FANCG: variants seen among roughly 807,000 people sequenced by gnomAD.
The protein encoded by FANCG is Fanconi anemia group G protein.
A neutral mutation model predicts 73.3 loss-of-function variants in FANCG; 67 were observed. The observed-to-expected ratio is 0.91, with a 90% CI of 0.75 to 1.12. The LOEUF (loss-of-function observed/expected upper bound fraction) is 1.12. Among genes scored for constraint, FANCG ranks in the 50% most tolerant of loss-of-function variants. The pLI, the probability that FANCG is intolerant of heterozygous loss-of-function variation, is 0.00. For missense variants in FANCG, 643 were observed against 735.6 expected (o/e 0.87, Z 1.46); for synonymous variants, 297 against 311.6 (o/e 0.95, Z 0.49).
At chr9:35,077,689 A>G (rs1386136495) in intron 4 of FANCG, among the ~76,000 whole-genome samples, 1 of 152,084 alleles carries the variant, frequency 6.6e-6, no homozygotes, top group Non-Finnish European at 1.5e-5. Flanking sequence ...TATTTGAGTT[A>G]CTAATAAGGA....
At position 35,076,872 on chromosome 9, in the gene FANCG, T is replaced by C; in HGVS notation, c.778-2A>G. The C allele has an allele frequency of 6.2e-7, 1 of 1,614,212 alleles. No individual in the cohort carries two copies. Among genetic ancestry groups the C allele is most frequent in the South Asian group, 1.1e-5 (1 of 91,090 alleles). On this transcript the variant is annotated splice_acceptor_variant, in intron 6 of 13. Coordinates refer to ENST00000378643, the MANE Select transcript of FANCG (RefSeq NM_004629.2). LOFTEE classifies it high-confidence loss of function. ...CAACAGTGCTCTCTGTGGATTTCCC[T>C]AAAGGGATAGGAGGACACGGGCCTC...
At chr9:35,079,117 G>T (rs2131059640) in intron 2 of FANCG, 34 bp downstream of exon 2, 1 of 1,545,700 alleles carries the variant, frequency 6.5e-7, no homozygotes, top group East Asian at 2.3e-5. Flanking sequence ...CTATGGAAGA[G>T]GGGAACTGAC....
Position 35,073,868 on chromosome 9 carries a change from A to G in FANCG, c.*240T>C. 6.8e-6 allele frequency: 4 copies of G among 588,374 alleles called. No individual in the cohort carries two copies. In the Admixed American group the frequency reaches 1.2e-4, roughly 17 times the overall value. The allele number at this position is 588,374 out of a possible 1,614,324, so 36.4% of individuals were successfully genotyped here. On this transcript the variant is annotated 3_prime_UTR_variant, in exon 14 of 14. Transcript: ENST00000378643. ...TATGAAATTTTACTCGACAACAGAA[A>G]AGGAGAAACAGGAAAAAAGGTGCCT...
rs1041369619 is a variant in FANCG, at chr9:35,075,689, T to G, written c.1209A>C (p.Ala403=). The G allele has an allele frequency of 1.3e-6, 2 of 1,496,440 alleles. No individual in the cohort carries two copies. Among genetic ancestry groups the G allele is most frequent in the Non-Finnish European group, 1.8e-6 (2 of 1,108,518 alleles). 92.7% of individuals were successfully genotyped at this position (1,496,440 alleles called of 1,614,324 possible). ...CTTGGGCTCTGCCTGCCTGGATCAG[T>G]GCTACCGCTGCCTCCAAAAACACCT... ...MPEVFLEAAV[A]LIQAGRAQDA... Residue 403 remains alanine, a synonymous_variant, in exon 10 of 14, where the codon GCA becomes GCC. Coordinates refer to ENST00000378643, the MANE Select transcript of FANCG (RefSeq NM_004629.2).
intron 2 of FANCG, 139 bp downstream of exon 2, chr9:35,079,012 T>C: frequency 1.2e-6 from 1 of 815,784 alleles, no homozygotes. Context: ...TGTACAAAGA[T>C]GATTCCACTC....
chr9:35,074,770 T>C, intron 12 of FANCG, 157 bp downstream of exon 12: 1 of 1,003,728 alleles, frequency 1.0e-6, no homozygotes, highest in Non-Finnish European at 1.5e-6. Context: ...ACTGTGTATA[T>C]TTGAACACCT....
At position 35,078,856 on chromosome 9, in the gene FANCG, A is replaced by G. The variant is rs1028819267; in HGVS notation, c.176-120T>C. ...AGCTACAATAAAGAACCCACCCTCC[A>G]GCCAATTAGCTAAGGATTTAAAAAA... On this transcript the variant is annotated intron_variant, in intron 2 of 13. Transcript: ENST00000378643. The G allele has an allele frequency of 1.5e-5, 20 of 1,336,062 alleles. No homozygotes were observed. In the East Asian group the frequency reaches 3.1e-4, roughly 20 times the overall value. The allele number at this position is 1,336,062 out of a possible 1,614,324, so 82.8% of individuals were successfully genotyped here. A position where few individuals can be genotyped will look rare whatever the true frequency, so the allele number is the denominator to read the frequency against.
chr9:35,076,916 A>G (rs1288306171), intron 6 of FANCG, 46 bp from the exon 7 acceptor site: 2 of 1,614,226 alleles, frequency 1.2e-6, no homozygotes, highest in Non-Finnish European at 1.7e-6. Flanking sequence ...TTACAAAGCA[A>G]AAAGCTATAC....
rs1257435850 is a variant in FANCG, at chr9:35,075,669, G to A, written c.1229C>T (p.Ala410Val). 1.2e-6 allele frequency: 2 copies of A among 1,609,782 alleles called. No homozygotes were observed. The highest frequency in any genetic ancestry group is 1.1e-5 in the South Asian group (1 of 91,000). Reference sequence around the variant, plus strand: ...CTCACATAGAGTCAAGGCATCTTGGGCTCTGCCTGCCTGGATCAGTGCTAC... The same window carrying A: ...CTCACATAGAGTCAAGGCATCTTGGACTCTGCCTGCCTGGATCAGTGCTAC... ...AAVALIQAGR[A>V]QDALTLCEEL... Residue 410 changes from alanine to valine, a missense_variant, in exon 10 of 14, where the codon GCC (alanine) becomes GTC (valine). Ala to Val is a moderately conservative substitution (Grantham distance 64, BLOSUM62 0). Transcript: ENST00000378643.
At chr9:35,075,210 AT>A in intron 11 of FANCG, 68 bp downstream of exon 11, 1 of 1,605,378 alleles carries the variant, frequency 6.2e-7, no homozygotes, top group Non-Finnish European at 8.5e-7. Flanking sequence ...GCTGGGACAC[AT>A]TAAAGGGAAC....
chr9:35,074,645 T>A, intron 12 of FANCG, 151 bp from the exon 13 acceptor site: 1 of 1,063,426 alleles, frequency 9.4e-7, no homozygotes, highest in Non-Finnish European at 1.4e-6. Flanking sequence ...ACCATTCCCA[T>A]CCCAGTGTCC....
At chr9:35,075,406 A>C in intron 10 of FANCG, 59 bp downstream of exon 10, 2 of 1,612,616 alleles carry the variant, frequency 1.2e-6, no homozygotes, top group Non-Finnish European at 1.7e-6. Flanking sequence ...GGAGCTCACC[A>C]ACTCAGGTCC....
In FANCG at chr9:35,074,999, G is replaced by C. The variant is rs765540982; in HGVS notation, c.1564C>G (p.Leu522Val). 2 of 1,614,220 alleles carry C rather than the reference G, an allele frequency of 1.2e-6. No homozygotes were observed. The highest frequency in any genetic ancestry group is 1.7e-6 in the Non-Finnish European group (2 of 1,180,044). Residue 522 changes from leucine to valine, a missense_variant, in exon 12 of 14, where the codon CTG (leucine) becomes GTG (valine). Transcript: ENST00000378643. ...LRAAALISRGLEWVASGQDTK... is the reference protein window; with the variant it reads ...LRAAALISRGVEWVASGQDTK... ...TCCTGGCCGCTGGCTACCCATTCCA[G>C]TCCACGACTAATTAGGGCGGCTGCC...
At chr9:35,079,355 C>T in intron 1 of FANCG, 86 bp downstream of exon 1, 1 of 1,561,926 alleles carries the variant, frequency 6.4e-7, no homozygotes, top group Non-Finnish European at 8.8e-7. Flanking sequence ...AGCTCAGTCC[C>T]TCCCCATCGG....
At position 35,073,873 on chromosome 9, in the gene FANCG, GA is replaced by G. The variant is rs1829025049; in HGVS notation, c.*234del. The G allele has an allele frequency of 3.4e-6, 2 of 595,110 alleles. No individual in the cohort carries two copies. The highest frequency in any genetic ancestry group is 6.0e-6 in the Non-Finnish European group (2 of 334,506). The allele number at this position is 595,110 out of a possible 1,614,324, so 36.9% of individuals were successfully genotyped here. On this transcript the variant is annotated 3_prime_UTR_variant, in exon 14 of 14. Coordinates refer to ENST00000378643, the MANE Select transcript of FANCG (RefSeq NM_004629.2). ...AATTTTACTCGACAACAGAAAAGGAGAAACAGGAAAAAAGGTGCCTCGAGCA... is the reference window on the plus strand; with the variant it reads ...AATTTTACTCGACAACAGAAAAGGAGAACAGGAAAAAAGGTGCCTCGAGCA...
chr9:35,079,138 A>ACT lies in FANCG; in HGVS notation c.175+12_175+13insAG, dbSNP rs1335456316. 1 of 1,599,868 alleles carries ACT rather than the reference A, an allele frequency of 6.3e-7. No homozygotes were observed. The highest frequency in any genetic ancestry group is 8.5e-7 in the Non-Finnish European group (1 of 1,172,934). On this transcript the variant is annotated intron_variant, in intron 2 of 13. Transcript: ENST00000378643. The stretch of plus-strand genomic sequence containing the variant: ...AAGAGGGGAACTGACCATCCTGGGG[A>ACT]GGACCCGCCTACCTTGCAGACTATG...
Position 35,079,694 on chromosome 9 carries a change from G to A in FANCG, c.-170C>T, listed in dbSNP as rs1829148315. On this transcript the variant is annotated 5_prime_UTR_variant, in exon 1 of 14. Coordinates refer to ENST00000378643, the MANE Select transcript of FANCG (RefSeq NM_004629.2). ...CCCGCCCAGGCTTTCCAGGACAGAT[G>A]GGACGCTCTCTCCCCGCGGCCCGCC... 1.5e-6 allele frequency: 1 copy of A among 682,034 alleles called. No individual in the cohort carries two copies. Among genetic ancestry groups the A allele is most frequent in the South Asian group, 1.6e-5 (1 of 62,248 alleles). 42.2% of individuals were successfully genotyped at this position (682,034 alleles called of 1,614,324 possible).
chr9:35,075,854 C>T (rs1036515785), intron 9 of FANCG, 100 bp from the exon 10 acceptor site: 2 of 1,538,668 alleles, frequency 1.3e-6, no homozygotes, highest in Non-Finnish European at 9.0e-7. Context: ...GGCCCCCAGA[C>T]TGGACAGACA....
At chr9:35,075,828 A>G in intron 9 of FANCG, 74 bp from the exon 10 acceptor site, 1 of 1,533,716 alleles carries the variant, frequency 6.5e-7, no homozygotes, top group African/African-American at 1.4e-5. Flanking sequence ...AGGCTCTGGT[A>G]CCATGCAGAG....
Sources: gnomAD v4.1 joint callset for allele counts (sites outside exome capture counted in the v4.1 genomes callset) on GRCh38, gnomAD v4.1.1 for gene constraint, MANE v1.5 for transcripts, NCBI Gene and HGNC (gene_info 2026-07-23, HGNC 2026-07-21) for gene names.